CFAP299: variants seen among roughly 807,000 people sequenced by gnomAD.
The protein encoded by CFAP299 is cilia- and flagella-associated protein 299.
CFAP299 carries 21 observed loss-of-function variants against 27.0 expected under a neutral mutation model. The observed-to-expected ratio is 0.78, with a 90% confidence interval of 0.55 to 1.12. The LOEUF is 1.12. CFAP299 is among the 50% of genes most tolerant of loss of function. CFAP299 has a pLI of 0.00. For missense variants in CFAP299, 310 were observed against 276.6 expected (o/e 1.12, Z -0.86); for synonymous variants, 104 against 98.1 (o/e 1.06, Z -0.36).
chr4:80,569,426 C>CT lies in CFAP299; in HGVS notation c.243-13660dup, dbSNP rs1339885741. 2.6e-5 allele frequency among the ~76,000 whole-genome samples: 4 copies of CT among 151,862 alleles called. No individual in the cohort carries two copies. In the South Asian group the frequency reaches 8.3e-4, roughly 31 times the overall value. Reference sequence around the variant, plus strand: ...AAATATTCTAGATAATTTTAACTAGCTTTTTTTCTTTTACTGTTATAACAT... The same window carrying CT: ...AAATATTCTAGATAATTTTAACTAGCTTTTTTTTCTTTTACTGTTATAACAT... On this transcript the variant is annotated intron_variant, in intron 2 of 5. Coordinates refer to ENST00000358105, the MANE Select transcript of CFAP299 (RefSeq NM_152770.3).
At chr4:80,520,344 GA>G (rs1184854662) in intron 2 of CFAP299, among the ~76,000 whole-genome samples, 1 of 152,166 alleles carries the variant, frequency 6.6e-6, no homozygotes, top group African/African-American at 2.4e-5. Flanking sequence ...CAATATCTTA[GA>G]GTTAACTGGG....
chr4:80,753,322 C>G (rs1362494932), intron 3 of CFAP299, among the ~76,000 whole-genome samples: 2 of 151,998 alleles, frequency 1.3e-5, no homozygotes, highest in East Asian at 3.9e-4. Context: ...ACTTCATCAT[C>G]TTATGGTTTA....
intron 1 of CFAP299, among the ~76,000 whole-genome samples, chr4:80,336,841 C>T (rs1295334252): frequency 6.6e-6 from 1 of 152,172 alleles, no homozygotes; most frequent in Non-Finnish European, 1.5e-5. Flanking sequence ...TGAAAAGCCA[C>T]ATCAGTCTGG....
chr4:80,749,974 G>A (rs1183707562), intron 3 of CFAP299, among the ~76,000 whole-genome samples: 1 of 152,188 alleles, frequency 6.6e-6, no homozygotes, highest in African/African-American at 2.4e-5. Context: ...TACTTGGTAA[G>A]TGAATTATAA....
intron 3 of CFAP299, among the ~76,000 whole-genome samples, chr4:80,686,076 C>A (rs1720171201): frequency 1.3e-5 from 2 of 151,900 alleles, no homozygotes; most frequent in African/African-American, 4.8e-5. Flanking sequence ...TTACACTGAC[C>A]AACCAAGTAT....
intron 2 of CFAP299, among the ~76,000 whole-genome samples, chr4:80,562,474 C>T (rs970007027): frequency 3.3e-5 from 5 of 150,996 alleles, no homozygotes; most frequent in East Asian, 2.0e-4. Context: ...GGCGGGTGCC[C>T]GTAATCCCAG....
At chr4:80,664,958 G>A (rs984936433) in intron 3 of CFAP299, among the ~76,000 whole-genome samples, 8 of 152,092 alleles carry the variant, frequency 5.3e-5, no homozygotes, top group South Asian at 2.1e-4. Context: ...ATGGTCCCTC[G>A]CAGCTTCCTT....
At chr4:80,752,079 T>C (rs1724964336) in intron 3 of CFAP299, among the ~76,000 whole-genome samples, 1 of 152,096 alleles carries the variant, frequency 6.6e-6, no homozygotes, top group African/African-American at 2.4e-5. Context: ...ATCTACAGGT[T>C]GCAAAGATCT....
In CFAP299 at chr4:80,494,066, C is replaced by T. The variant is rs572688307; in HGVS notation, c.243-89027C>T. Among the ~76,000 whole-genome samples the T allele has an allele frequency of 9.2e-5, 14 of 152,214 alleles. 1 individual carries two copies. Among genetic ancestry groups the T allele is most frequent in the African/African-American group, 3.1e-4 (13 of 41,522 alleles). ...CTGGGATTACAGGCGTGAGCCACCG[C>T]GCCTGGCCTCTATCTCATATTCTTG... On this transcript the variant is annotated intron_variant, in intron 2 of 5. Coordinates refer to ENST00000358105, the MANE Select transcript of CFAP299 (RefSeq NM_152770.3).
intron 3 of CFAP299, among the ~76,000 whole-genome samples, chr4:80,678,791 G>A (rs185621572): frequency 2.0e-4 from 30 of 152,106 alleles, no homozygotes; most frequent in Non-Finnish European, 1.8e-4. Flanking sequence ...TGCAAAAATA[G>A]TATTAATATG....
At chr4:80,498,550 C>T (rs955309177) in intron 2 of CFAP299, among the ~76,000 whole-genome samples, 1 of 150,750 alleles carries the variant, frequency 6.6e-6, no homozygotes, top group African/African-American at 2.5e-5. Context: ...GATACCATCT[C>T]ATACCAGTCA....
chr4:80,840,626 T>G (rs1730812977), intron 3 of CFAP299, among the ~76,000 whole-genome samples: 1 of 152,156 alleles, frequency 6.6e-6, no homozygotes. Flanking sequence ...CTTATTCTCA[T>G]GGTTTGTTTT....
At chr4:80,780,668 G>T (rs947064701) in intron 3 of CFAP299, among the ~76,000 whole-genome samples, 24 of 151,812 alleles carry the variant, frequency 1.6e-4, no homozygotes, top group African/African-American at 4.4e-4. Flanking sequence ...AAAAAATTTT[G>T]TCTGACTATA....
At chr4:80,673,023 G>C (rs1469576906) in intron 3 of CFAP299, among the ~76,000 whole-genome samples, 1 of 150,878 alleles carries the variant, frequency 6.6e-6, no homozygotes, top group Non-Finnish European at 1.5e-5. Context: ...GTTCTGCTCT[G>C]ATCTTAGTTA....
chr4:80,429,520 T>C (rs1386566381), intron 2 of CFAP299, among the ~76,000 whole-genome samples: 1 of 152,190 alleles, frequency 6.6e-6, no homozygotes, highest in African/African-American at 2.4e-5. Flanking sequence ...TTGGTGGCTG[T>C]GGTGCTGAAA....
chr4:80,651,570 G>A (rs535394994), intron 3 of CFAP299, among the ~76,000 whole-genome samples: 1 of 151,868 alleles, frequency 6.6e-6, no homozygotes, highest in Non-Finnish European at 1.5e-5. Flanking sequence ...TCTCTCTGTT[G>A]CCCAGGCTGG....
chr4:80,736,392 A>G (rs1364810692), intron 3 of CFAP299, among the ~76,000 whole-genome samples: 3 of 152,016 alleles, frequency 2.0e-5, no homozygotes, highest in South Asian at 2.1e-4. Flanking sequence ...AGATAGTTGT[A>G]GATATTTTCG....
At chr4:80,751,949 G>C (rs866505742) in intron 3 of CFAP299, among the ~76,000 whole-genome samples, 1 of 152,188 alleles carries the variant, frequency 6.6e-6, no homozygotes, top group Non-Finnish European at 1.5e-5. Flanking sequence ...CCTGGGGCCA[G>C]AGTATGTAAA....
chr4:80,771,164 A>G (rs2110083942), intron 3 of CFAP299, among the ~76,000 whole-genome samples: 1 of 152,278 alleles, frequency 6.6e-6, no homozygotes, highest in Non-Finnish European at 1.5e-5. Context: ...AATCCAATCC[A>G]GATCTCCTTT....
Sources: allele counts gnomAD v4.1 joint callset (sites outside exome capture counted in the v4.1 genomes callset), GRCh38; gene constraint gnomAD v4.1.1; transcripts MANE v1.5; gene names NCBI Gene and HGNC (gene_info 2026-07-23, HGNC 2026-07-21).